CCDC91: variants seen among roughly 807,000 people sequenced by gnomAD.
CCDC91 encodes the protein coiled-coil domain-containing protein 91.
A neutral mutation model predicts 63.2 loss-of-function variants in CCDC91; 48 were observed. The observed-to-expected ratio is 0.76, with a 90% CI of 0.60 to 0.97. The LOEUF (loss-of-function observed/expected upper bound fraction) is 0.97, where lower values mean the gene tolerates loss of function less well. Among genes scored for constraint, CCDC91 ranks in the 50% least tolerant of loss-of-function variants. The pLI is 0.00. For synonymous variants in CCDC91, 167 were observed against 165.8 expected (o/e 1.01, Z -0.06); for missense variants, 500 against 494.6 (o/e 1.01, Z -0.10).
rs534174903 is a variant in CCDC91, at chr12:28,522,098, G to A, written c.1216-26965G>A. 1.8e-3 allele frequency among the ~76,000 whole-genome samples: 267 copies of A among 152,270 alleles called. 2 individuals carry two copies. Among genetic ancestry groups the A allele is most frequent in the African/African-American group, 5.8e-3 (239 of 41,556 alleles). On this transcript the variant is annotated intron_variant, in intron 12 of 12. Coordinates refer to ENST00000536442, the MANE Select transcript of CCDC91 (RefSeq NM_018318.5). ...GATGCTGGCCTCATAAAATGAGTTAGGGAGGATTCCCTCTTTTTCTATTGA... is the reference window on the plus strand; with the variant it reads ...GATGCTGGCCTCATAAAATGAGTTAAGGAGGATTCCCTCTTTTTCTATTGA...
At chr12:28,512,722 A>G (rs12322551) in intron 12 of CCDC91, among the ~76,000 whole-genome samples, 15,560 of 151,858 alleles carry the variant, frequency 0.1, 2,156 homozygotes, top group African/African-American at 0.32. Context: ...TGTATAAAGC[A>G]TGACCTCCAT....
intron 12 of CCDC91, among the ~76,000 whole-genome samples, chr12:28,517,289 A>G (rs1940057837): frequency 6.6e-6 from 1 of 151,982 alleles, no homozygotes; most frequent in Non-Finnish European, 1.5e-5. Flanking sequence ...TTGAACTGAA[A>G]ACAAGAATGT....
chr12:28,451,608 A>G (rs963689207), intron 10 of CCDC91, among the ~76,000 whole-genome samples: 1 of 151,724 alleles, frequency 6.6e-6, no homozygotes, highest in South Asian at 2.1e-4. Flanking sequence ...GAAATGTGTC[A>G]GCATCTGGAG....
intron 1 of CCDC91, among the ~76,000 whole-genome samples, chr12:28,248,129 A>G (rs912492617): frequency 1.3e-5 from 2 of 152,136 alleles, no homozygotes; most frequent in Admixed American, 1.3e-4. Flanking sequence ...GAGAGAGAGA[A>G]GTATGAGGCA....
chr12:28,297,734 A>G (rs1949641768), intron 3 of CCDC91, among the ~76,000 whole-genome samples: 1 of 151,818 alleles, frequency 6.6e-6, no homozygotes, highest in African/African-American at 2.4e-5. Context: ...GAGGACTGAC[A>G]TTACACGATT....
chr12:28,460,177 C>CAT (rs1950236348), intron 11 of CCDC91, among the ~76,000 whole-genome samples: 1 of 151,916 alleles, frequency 6.6e-6, no homozygotes, highest in Non-Finnish European at 1.5e-5. Context: ...GTCTTGGGAC[C>CAT]ATATATGTAG....
At chr12:28,498,078 C>A (rs2141079126) in intron 12 of CCDC91, among the ~76,000 whole-genome samples, 1 of 151,702 alleles carries the variant, frequency 6.6e-6, no homozygotes, top group East Asian at 2.0e-4. Context: ...CTTAAGAATC[C>A]TGTTAAGAAC....
chr12:28,254,772 C>CTTTTTTTTTTTTTTTTTTTTTGTT (rs34812000), intron 1 of CCDC91, among the ~76,000 whole-genome samples: 1 of 128,830 alleles, frequency 7.8e-6, no homozygotes, highest in Non-Finnish European at 1.6e-5. Context: ...GTATCATCTG[C>CTTTTTTTTTTTTTTTTTTTTTGTT]TTTTTTTTTT....
intron 11 of CCDC91, among the ~76,000 whole-genome samples, chr12:28,464,116 G>C (rs1325737083): frequency 6.6e-6 from 1 of 152,100 alleles, no homozygotes; most frequent in Non-Finnish European, 1.5e-5. Flanking sequence ...AAACTTACCT[G>C]ACTCCTGCCC....
At chr12:28,506,740 C>T (rs1399015217) in intron 12 of CCDC91, among the ~76,000 whole-genome samples, 1 of 151,706 alleles carries the variant, frequency 6.6e-6, no homozygotes, top group Non-Finnish European at 1.5e-5. Flanking sequence ...TGCAAGGTCA[C>T]ACCACTAGAA....
At chr12:28,524,769 C>G (rs1464256556) in intron 12 of CCDC91, among the ~76,000 whole-genome samples, 4 of 152,022 alleles carry the variant, frequency 2.6e-5, no homozygotes, top group Non-Finnish European at 5.9e-5. Context: ...CCCTTTCAGT[C>G]TCACTGCTTT....
intron 6 of CCDC91, among the ~76,000 whole-genome samples, chr12:28,359,959 T>G (rs1943770920): frequency 6.6e-6 from 1 of 152,196 alleles, no homozygotes; most frequent in African/African-American, 2.4e-5. Context: ...CCTCATTTGT[T>G]TGCTTGTTTA....
chr12:28,250,164 T>C (rs181998265), intron 1 of CCDC91, among the ~76,000 whole-genome samples: 2 of 152,162 alleles, frequency 1.3e-5, no homozygotes, highest in Admixed American at 1.3e-4. Flanking sequence ...GTTTGGAGAG[T>C]AAATGTCTTG....
At chr12:28,502,941 A>G (rs1389565084) in intron 12 of CCDC91, among the ~76,000 whole-genome samples, 1 of 150,980 alleles carries the variant, frequency 6.6e-6, no homozygotes, top group East Asian at 2.0e-4. Flanking sequence ...TTCAAGATGG[A>G]TTAAAGACTT....
At chr12:28,324,320 G>T (rs970813178) in intron 6 of CCDC91, among the ~76,000 whole-genome samples, 1 of 151,804 alleles carries the variant, frequency 6.6e-6, no homozygotes, top group Admixed American at 6.6e-5. Flanking sequence ...CAAAAATAAT[G>T]ATTGTTTCTT....
At chr12:28,444,666 T>G (rs1949406664) in intron 8 of CCDC91, among the ~76,000 whole-genome samples, 1 of 152,012 alleles carries the variant, frequency 6.6e-6, no homozygotes, top group African/African-American at 2.4e-5. Flanking sequence ...CAACAGACAC[T>G]GGGGTCTACT....
chr12:28,490,926 A>G (rs1441212029), intron 12 of CCDC91, among the ~76,000 whole-genome samples: 1 of 67,836 alleles, frequency 1.5e-5, no homozygotes, highest in Non-Finnish European at 3.5e-5. Context: ...TGTCATTTCC[A>G]TTTCAACTGT....
intron 3 of CCDC91, among the ~76,000 whole-genome samples, chr12:28,263,910 G>A (rs1460432223): frequency 6.6e-6 from 1 of 151,802 alleles, no homozygotes; most frequent in Admixed American, 6.6e-5. Context: ...TAAGTTGAAA[G>A]AAGGCAAAAC....
intron 8 of CCDC91, among the ~76,000 whole-genome samples, chr12:28,444,264 C>T (rs1262070307): frequency 6.6e-6 from 1 of 152,106 alleles, no homozygotes. Context: ...TTTTTAAATG[C>T]TGAAATTTGT....
Sources: allele counts gnomAD v4.1 joint callset (sites outside exome capture counted in the v4.1 genomes callset), GRCh38; gene constraint gnomAD v4.1.1; transcripts MANE v1.5; gene names NCBI Gene and HGNC (gene_info 2026-07-23, HGNC 2026-07-21).